CIT: variants seen among roughly 807,000 people sequenced by gnomAD.
CIT encodes citron Rho-interacting kinase.
Under a neutral mutation model 272.7 loss-of-function variants are expected in CIT, and 79 were observed. The observed-to-expected ratio is 0.29, with a 90% CI of 0.24 to 0.35. The LOEUF is 0.35. CIT is among the 10% of genes least tolerant of loss of function. CIT has a pLI of 1.00. For synonymous variants in CIT, 948 were observed against 995.6 expected, an observed-to-expected ratio of 0.95 and a Z score of 0.90; for missense variants, 1,909 against 2,618.3, an observed-to-expected ratio of 0.73 and a Z score of 5.91.
intron 23 of CIT, 34 bp from the exon 24 acceptor site, chr12:119,742,498 T>C: frequency 6.5e-6 from 10 of 1,537,718 alleles, no homozygotes; most frequent in South Asian, 1.2e-5. Flanking sequence ...AAATTTTTCA[T>C]AGGGTAGAAT....
intron 10 of CIT, among the ~76,000 whole-genome samples, chr12:119,800,738 G>A (rs1404112396): frequency 3.3e-5 from 5 of 152,214 alleles, no homozygotes; most frequent in African/African-American, 1.2e-4. Flanking sequence ...CAGGGTCGCT[G>A]GCAGCAAAGG....
At chr12:119,807,186 G>T (rs1966660901) in intron 9 of CIT, among the ~76,000 whole-genome samples, 1 of 152,190 alleles carries the variant, frequency 6.6e-6, no homozygotes, top group Non-Finnish European at 1.5e-5. Flanking sequence ...AGTTCAAGAA[G>T]CATTTGTGTA....
rs1002569076 is a variant in CIT at position 119,804,475 on chromosome 12, C to T, written c.1112-1086G>A. On this transcript the variant is annotated intron_variant, in intron 9 of 47. Coordinates refer to ENST00000392521, the MANE Select transcript of CIT (RefSeq NM_001206999.2). The surrounding 1 kb of genome is among the most constrained non-coding windows in gnomAD (Gnocchi z 5.3). ...CTGGCTGCCGCCTGCCTGCCAGGGG[C>T]CAGTGCTGATCCCAGTGACAGAGCA... The T allele has an allele frequency of 3.0e-6, 3 of 985,912 alleles. No homozygotes were observed. Among genetic ancestry groups the T allele is most frequent in the Non-Finnish European group, 3.6e-6 (3 of 830,314 alleles). 61.1% of individuals were successfully genotyped at this position (985,912 alleles called of 1,614,324 possible). A position where few individuals can be genotyped will look rare whatever the true frequency, so the allele number is the denominator to read the frequency against.
chr12:119,817,511 CA>C (rs149351532), intron 9 of CIT, among the ~76,000 whole-genome samples: 6 of 150,172 alleles, frequency 4.0e-5, no homozygotes, highest in African/African-American at 1.5e-4. Flanking sequence ...GACCCCATCT[CA>C]AAAAAAAATC....
At chr12:119,717,855 T>TTTTTTTTTTTTTTTTTTTTTC (rs1191702131) in intron 32 of CIT, among the ~76,000 whole-genome samples, 1 of 138,906 alleles carries the variant, frequency 7.2e-6, no homozygotes, top group Non-Finnish European at 1.6e-5. Context: ...TTTTTTTTTT[T>TTTTTTTTTTTTTTTTTTTTTC]TTTGAGATGG....
chr12:119,690,706 AG>A lies in CIT; in HGVS notation c.5883-253del, dbSNP rs1955895961. Reference sequence around the variant, plus strand: ...ATTTACTGAGCACCTACTGTGTGCCAGGCCTGTGCTAAGTTCTTCATCTGCC... The same window carrying A: ...ATTTACTGAGCACCTACTGTGTGCCAGCCTGTGCTAAGTTCTTCATCTGCC... On this transcript the variant is annotated intron_variant, in intron 46 of 47. Coordinates refer to ENST00000392521, the MANE Select transcript of CIT (RefSeq NM_001206999.2). This position sits in a 1 kb window ranked among gnomAD's most constrained non-coding sequence, Gnocchi z 6.0. Among the ~76,000 whole-genome samples, 1 of 152,226 alleles carries A rather than the reference AG, an allele frequency of 6.6e-6. No individual in the cohort carries two copies. Among genetic ancestry groups the A allele is most frequent in the African/African-American group, 2.4e-5 (1 of 41,460 alleles).
chr12:119,720,676 A>G, intron 29 of CIT, 91 bp from the exon 30 acceptor site: 3 of 852,328 alleles, frequency 3.5e-6, no homozygotes, highest in African/African-American at 1.7e-5. Flanking sequence ...TGAAGTTGTT[A>G]GGACACTAAT....
intron 17 of CIT, among the ~76,000 whole-genome samples, chr12:119,772,407 T>C (rs1224915437): frequency 1.3e-5 from 2 of 152,046 alleles, no homozygotes; most frequent in Admixed American, 6.5e-5. Flanking sequence ...AAAATTAATA[T>C]GCTATTAATA....
intron 5 of CIT, among the ~76,000 whole-genome samples, chr12:119,842,475 G>A (rs1969476134): frequency 6.6e-6 from 1 of 151,474 alleles, no homozygotes; most frequent in Non-Finnish European, 1.5e-5. Context: ...CTTCATGGAA[G>A]GACACTGATG....
chr12:119,690,233 G>T lies in CIT; in HGVS notation c.6104C>A (p.Ser2035Tyr). 5 of 1,547,206 alleles carry T rather than the reference G, an allele frequency of 3.2e-6. No homozygotes were observed. Among genetic ancestry groups the T allele is most frequent in the East Asian group, 2.4e-5 (1 of 42,516 alleles). Reference sequence around the variant, plus strand: ...GCTGTCTTCAAACAGCCTCCCGGGGGACCGCTCTCTCCGCGTGCTGAGCAT... The same window carrying T: ...GCTGTCTTCAAACAGCCTCCCGGGGTACCGCTCTCTCCGCGTGCTGAGCAT... ...GRMLSTRRER[S>Y]PGRLFEDSSR... The change falls in exon 47 of 48, where the codon TCC becomes TAC. Residue 2035 changes from serine (S) to tyrosine (Y), a missense_variant. Ser to Tyr is a moderately radical substitution (Grantham distance 144). Transcript: ENST00000392521. The surrounding 1 kb of genome is among the most constrained non-coding windows in gnomAD (Gnocchi z 6.0).
rs1049401990 is a variant in CIT at position 119,687,568 on chromosome 12, G to T, written c.*664C>A. On this transcript the variant is annotated 3_prime_UTR_variant, in exon 48 of 48. Coordinates refer to ENST00000392521, the MANE Select transcript of CIT (RefSeq NM_001206999.2). ...AGTCGTCAAGGCCATAAAAGGCAATGAAAACAGTAAACATTTGGCTACGAT... is the reference window on the plus strand; with the variant it reads ...AGTCGTCAAGGCCATAAAAGGCAATTAAAACAGTAAACATTTGGCTACGAT... The T allele has an allele frequency of 6.6e-6, 1 of 152,504 alleles. No homozygotes were observed. 9.4% of individuals were successfully genotyped at this position (152,504 alleles called of 1,614,324 possible). A position where few individuals can be genotyped will look rare whatever the true frequency, so the allele number is the denominator to read the frequency against.
At chr12:119,731,635 C>G (rs1958451150) in intron 26 of CIT, among the ~76,000 whole-genome samples, 1 of 151,576 alleles carries the variant, frequency 6.6e-6, no homozygotes, top group African/African-American at 2.4e-5. Flanking sequence ...CACACTTTGG[C>G]TTATACAATC....
At chr12:119,711,372 A>C (rs775002399) in intron 37 of CIT, among the ~76,000 whole-genome samples, 2 of 152,224 alleles carry the variant, frequency 1.3e-5, no homozygotes, top group Non-Finnish European at 2.9e-5. Context: ...CTACGTTTCT[A>C]ACAGCTTAAG....
intron 19 of CIT, among the ~76,000 whole-genome samples, chr12:119,764,548 A>G (rs868214553): frequency 2.0e-5 from 3 of 151,558 alleles, no homozygotes; most frequent in Admixed American, 6.6e-5. Flanking sequence ...CCCAGGTTGC[A>G]ATGAGCTATG....
At chr12:119,805,946 C>A (rs887972846) in intron 9 of CIT, among the ~76,000 whole-genome samples, 3 of 151,898 alleles carry the variant, frequency 2.0e-5, no homozygotes, top group Admixed American at 6.6e-5. Flanking sequence ...GCCAGCCTGG[C>A]CAACATGGTA....
chr12:119,720,534 T>C lies in CIT; in HGVS notation c.3784A>G (p.Thr1262Ala). Residue 1262 changes from threonine (T) to alanine (A), a missense_variant, in exon 30 of 48, where the codon ACC becomes GCC. Thr to Ala is a moderately conservative substitution (Grantham distance 58). Around this residue, in one of 8 missense-constraint regions of CIT, gnomAD observed 14 missense variants for 44.1 expected, o/e 0.32. Coordinates refer to ENST00000392521, the MANE Select transcript of CIT (RefSeq NM_001206999.2). The stretch of plus-strand genomic sequence containing the variant: ...GCTTGCAGAAAATCAATGAGTTTGG[T>C]TTGTTGAGAAATAGTGCCTTCCATT... Reference protein sequence around the residue: ...VKMEGTISQQTKLIDFLQAKM... With the variant: ...VKMEGTISQQAKLIDFLQAKM... The C allele has an allele frequency of 6.2e-7, 1 of 1,610,682 alleles. No individual in the cohort carries two copies. Among genetic ancestry groups the C allele is most frequent in the Non-Finnish European group, 8.5e-7 (1 of 1,179,248 alleles).
intron 7 of CIT, among the ~76,000 whole-genome samples, chr12:119,832,466 T>C (rs1412892779): frequency 6.6e-6 from 1 of 152,138 alleles, no homozygotes; most frequent in African/African-American, 2.4e-5. Context: ...AAAAAGATAA[T>C]ATAACAAAAG....
intron 19 of CIT, among the ~76,000 whole-genome samples, chr12:119,761,402 G>A (rs1460607937): frequency 1.3e-5 from 2 of 152,176 alleles, no homozygotes; most frequent in Admixed American, 6.5e-5. Flanking sequence ...CAGACCTAGA[G>A]AATAAATTTC....
At chr12:119,853,996 G>A (rs968899548) in intron 4 of CIT, among the ~76,000 whole-genome samples, 5 of 151,952 alleles carry the variant, frequency 3.3e-5, no homozygotes, top group East Asian at 3.9e-4. Flanking sequence ...AGACCAGTCC[G>A]GGCAACATAG....
Sources: allele counts gnomAD v4.1 joint callset (sites outside exome capture counted in the v4.1 genomes callset), GRCh38; gene constraint gnomAD v4.1.1; regional missense constraint gnomAD v4.1.1; non-coding constraint Gnocchi (gnomAD v3.1); transcripts MANE v1.5; gene names NCBI Gene and HGNC (gene_info 2026-07-23, HGNC 2026-07-21).